CPQ: variants seen among roughly 807,000 people sequenced by gnomAD.
CPQ encodes the protein carboxypeptidase Q, also known as Ser-Met dipeptidase.
CPQ carries 37 observed loss-of-function variants against 45.7 expected under a neutral mutation model. That is an observed-to-expected ratio of 0.81 (90% confidence interval 0.62 to 1.07). The LOEUF (loss-of-function observed/expected upper bound fraction) is 1.07. Ranked by LOEUF, CPQ falls within the 50% of genes least tolerant of loss-of-function variation. The pLI, the probability that CPQ is intolerant of heterozygous loss-of-function variation, is 0.00. For synonymous variants in CPQ, 186 were observed against 205.8 expected (o/e 0.90, Z 0.82); for missense variants, 537 against 572.9 (o/e 0.94, Z 0.64).
At chr8:96,880,548 T>TACC (rs1812209131) in intron 4 of CPQ, among the ~76,000 whole-genome samples, 18 of 51,976 alleles carry the variant, frequency 3.5e-4, no homozygotes, top group South Asian at 6.1e-4. Context: ...TATATATATA[T>TACC]ATATATATAT....
At chr8:96,684,283 A>C (rs891234697) in intron 1 of CPQ, among the ~76,000 whole-genome samples, 4 of 152,178 alleles carry the variant, frequency 2.6e-5, no homozygotes, top group African/African-American at 9.7e-5. Context: ...TATAGTCTGC[A>C]TGATTTCTTT....
chr8:97,000,322 T>G (rs1263575451), intron 5 of CPQ, among the ~76,000 whole-genome samples: 1 of 152,130 alleles, frequency 6.6e-6, no homozygotes, highest in Non-Finnish European at 1.5e-5. Context: ...CCCTTGCCTC[T>G]TTCCAGAATA....
chr8:97,128,871 G>T (rs577242447), intron 7 of CPQ, among the ~76,000 whole-genome samples: 2 of 152,182 alleles, frequency 1.3e-5, no homozygotes, highest in Non-Finnish European at 2.9e-5. Flanking sequence ...ATTAGATGAT[G>T]GTTGGACTAG....
chr8:96,847,108 A>C (rs553037172), intron 3 of CPQ, among the ~76,000 whole-genome samples: 1 of 152,198 alleles, frequency 6.6e-6, no homozygotes, highest in Non-Finnish European at 1.5e-5. Flanking sequence ...GGTGAGACCA[A>C]ATTTGATCAC....
chr8:96,896,122 C>T lies in CPQ; in HGVS notation c.849+16117C>T, dbSNP rs146897471. 2.1e-3 allele frequency among the ~76,000 whole-genome samples: 314 copies of T among 152,198 alleles called. 1 individual carries two copies. The highest frequency in any genetic ancestry group is 6.7e-3 in the African/African-American group (278 of 41,524). On this transcript the variant is annotated intron_variant, in intron 4 of 7. Coordinates refer to ENST00000220763, the MANE Select transcript of CPQ (RefSeq NM_016134.4). ...GGCACTGGAATCAAAGCACTGGACC[C>T]AGTGCTTTCTCCATCCTTCAGGGGA...
At chr8:97,045,839 C>T (rs1810246673) in intron 6 of CPQ, among the ~76,000 whole-genome samples, 1 of 152,176 alleles carries the variant, frequency 6.6e-6, no homozygotes, top group Non-Finnish European at 1.5e-5. Flanking sequence ...AGTGCACGAG[C>T]AGAAGTACTG....
chr8:96,758,393 T>TGTAAAA (rs1810354022), intron 1 of CPQ, among the ~76,000 whole-genome samples: 3 of 152,206 alleles, frequency 2.0e-5, no homozygotes, highest in Non-Finnish European at 4.4e-5. Flanking sequence ...AGCACCCATT[T>TGTAAAA]TATGTGGTTG....
chr8:96,778,470 G>T (rs1206197185), intron 1 of CPQ, among the ~76,000 whole-genome samples: 1 of 152,038 alleles, frequency 6.6e-6, no homozygotes, highest in Non-Finnish European at 1.5e-5. Context: ...CCTATTTATT[G>T]TTCACTTATG....
At chr8:97,112,764 T>C (rs1811519271) in intron 7 of CPQ, among the ~76,000 whole-genome samples, 1 of 152,104 alleles carries the variant, frequency 6.6e-6, no homozygotes, top group African/African-American at 2.4e-5. Context: ...GACAATGGCT[T>C]CCATGAGGGG....
chr8:96,992,901 G>A (rs1222024949), intron 5 of CPQ, among the ~76,000 whole-genome samples: 2 of 152,118 alleles, frequency 1.3e-5, no homozygotes, highest in African/African-American at 4.8e-5. Context: ...AAATTGGAGG[G>A]AGTATCATGA....
intron 5 of CPQ, among the ~76,000 whole-genome samples, chr8:96,966,357 A>T (rs1813562903): frequency 1.3e-5 from 2 of 152,382 alleles, no homozygotes; most frequent in South Asian, 4.1e-4. Context: ...AAGAAAAATC[A>T]GCAGCACCTC....
rs1261127663 is a variant in CPQ, at chr8:97,071,668, C to G, written c.1255+5458C>G. On this transcript the variant is annotated intron_variant, in intron 7 of 7. Transcript: ENST00000220763. ...AATCTTCTTTCACCTAATTGGCTCA[C>G]TGCTTCTAGAATGAACTTTCTAAAG... is the stretch of plus-strand genomic sequence containing the variant. Among the ~76,000 whole-genome samples the G allele has an allele frequency of 5.3e-5, 8 of 152,214 alleles. No homozygotes were observed. In the East Asian group the frequency reaches 1.5e-3, roughly 29 times the overall value.
At chr8:96,783,260 A>AGTGT (rs71267280) in intron 1 of CPQ, among the ~76,000 whole-genome samples, 8,522 of 147,946 alleles carry the variant, frequency 0.058, 338 homozygotes, top group Non-Finnish European at 0.081. Flanking sequence ...TAGTTGTGTG[A>AGTGT]GTGTGTGTGT....
At chr8:97,001,809 C>G (rs905009063) in intron 5 of CPQ, among the ~76,000 whole-genome samples, 4 of 148,588 alleles carry the variant, frequency 2.7e-5, no homozygotes, top group African/African-American at 1.0e-4. Flanking sequence ...TGAGTAGTCC[C>G]TCTTCAATTT....
rs535413784 is a variant in CPQ at position 96,717,829 on chromosome 8, CT to C, written c.-34-67034del. 5.0e-3 allele frequency among the ~76,000 whole-genome samples: 758 copies of C among 152,268 alleles called. 2 individuals are homozygous for C. Among genetic ancestry groups the C allele is most frequent in the Non-Finnish European group, 8.5e-3 (577 of 68,018 alleles). Reference sequence around the variant, plus strand: ...AGGGGATTGTAGGGCAGTTCTCTAGCTGCTGGGGTAATGTTCCAGGGAGGAG... The same window carrying C: ...AGGGGATTGTAGGGCAGTTCTCTAGCGCTGGGGTAATGTTCCAGGGAGGAG... On this transcript the variant is annotated intron_variant, in intron 1 of 7. Coordinates refer to ENST00000220763, the MANE Select transcript of CPQ (RefSeq NM_016134.4).
chr8:97,042,988 G>T (rs1008434391), intron 6 of CPQ, among the ~76,000 whole-genome samples: 1 of 151,462 alleles, frequency 6.6e-6, no homozygotes, highest in African/African-American at 2.4e-5. Flanking sequence ...GAGTTCTGTA[G>T]ATGTCTATTA....
chr8:97,113,825 T>C (rs1402550003), intron 7 of CPQ, among the ~76,000 whole-genome samples: 1 of 152,226 alleles, frequency 6.6e-6, no homozygotes, highest in East Asian at 1.9e-4. Context: ...GTTCATGTGC[T>C]GTTGATTTCT....
At chr8:96,820,543 TGTGA>T (rs1811287183) in intron 2 of CPQ, among the ~76,000 whole-genome samples, 1 of 152,010 alleles carries the variant, frequency 6.6e-6, no homozygotes, top group Non-Finnish European at 1.5e-5. Context: ...AGCTCCCACA[TGTGA>T]GTGAGACTAT....
rs191425615 is a variant in CPQ, at chr8:96,838,904, T to G, written c.641+3724T>G. Among the ~76,000 whole-genome samples the G allele has an allele frequency of 1.1e-3, 164 of 152,250 alleles. 1 individual carries two copies. Among genetic ancestry groups the G allele is most frequent in the Admixed American group, 5.0e-3 (76 of 15,284 alleles). On this transcript the variant is annotated intron_variant, in intron 3 of 7. Transcript: ENST00000220763. ...TTTGCTCTGCATTTGGAGGAAAATA[T>G]TCAGATGCCCAATATGCCAGATTAT...
Sources: gnomAD v4.1 joint callset for allele counts (sites outside exome capture counted in the v4.1 genomes callset) on GRCh38, gnomAD v4.1.1 for gene constraint, MANE v1.5 for transcripts, NCBI Gene and HGNC (gene_info 2026-07-23, HGNC 2026-07-21) for gene names.